LZTFL1: variants seen among roughly 807,000 people sequenced by gnomAD.
LZTFL1 encodes leucine zipper transcription factor-like protein 1.
Under a neutral mutation model 45.9 loss-of-function variants are expected in LZTFL1, and 25 were observed. That is an observed-to-expected ratio of 0.54 (90% confidence interval 0.40 to 0.76). LZTFL1 has a LOEUF of 0.76. Among genes scored for constraint, LZTFL1 ranks in the 30% least tolerant of loss-of-function variants. The pLI is 0.00. For missense variants in LZTFL1, 277 were observed against 331.1 expected, an observed-to-expected ratio of 0.84 and a Z score of 1.27; for synonymous variants, 93 against 117.4, an observed-to-expected ratio of 0.79 and a Z score of 1.35.
rs199554945 is a variant in LZTFL1, at chr3:45,900,816, A to G, written c.-215+12304T>C. ...ATCTTGTGTCCCCTTGCAGAGCCCT[A>G]TTCCTAACATGGCTGATGACTATGG... On this transcript the variant is annotated intron_variant, in intron 2 of 4. Transcript: ENST00000472635. The surrounding 1 kb of genome is among the most constrained non-coding windows in gnomAD (Gnocchi z 4.7). The G allele has an allele frequency of 1.1e-5, 17 of 1,610,738 alleles. No homozygotes were observed. Among genetic ancestry groups the G allele is most frequent in the Non-Finnish European group, 1.2e-5 (14 of 1,177,696 alleles).
At chr3:45,872,261 A>G (rs951051025) in intron 2 of LZTFL1, among the ~76,000 whole-genome samples, 1 of 152,190 alleles carries the variant, frequency 6.6e-6, no homozygotes, top group African/African-American at 2.4e-5. Flanking sequence ...TATGGAGCAA[A>G]TACAAGTATA....
chr3:45,870,742 C>T (rs1027013643), intron 2 of LZTFL1, among the ~76,000 whole-genome samples: 4 of 152,192 alleles, frequency 2.6e-5, no homozygotes, highest in African/African-American at 9.7e-5. Context: ...TGAAAACACT[C>T]TCATAGTAAA....
At chr3:45,835,833 T>C (rs753268808) in intron 2 of LZTFL1, 49 bp from the exon 3 acceptor site, 2 of 1,400,598 alleles carry the variant, frequency 1.4e-6, no homozygotes, top group Non-Finnish European at 1.9e-6. Flanking sequence ...ACAAGAAAAA[T>C]CTACAAAATA....
chr3:45,862,497 AG>A (rs1701507072), intron 2 of LZTFL1, among the ~76,000 whole-genome samples: 1 of 152,214 alleles, frequency 6.6e-6, no homozygotes, highest in African/African-American at 2.4e-5. Flanking sequence ...TATCCTCCTC[AG>A]GAGTGATTTT....
At chr3:45,839,213 C>T (rs540288491) in intron 1 of LZTFL1, among the ~76,000 whole-genome samples, 1 of 152,206 alleles carries the variant, frequency 6.6e-6, no homozygotes, top group East Asian at 1.9e-4. Flanking sequence ...CTCAGGCTCC[C>T]GAGTAGCTGG....
intron 2 of LZTFL1, among the ~76,000 whole-genome samples, chr3:45,904,323 T>C (rs1702636544): frequency 6.6e-6 from 1 of 152,220 alleles, no homozygotes; most frequent in Non-Finnish European, 1.5e-5. Context: ...CATTGGGACA[T>C]TACATCCTTT....
chr3:45,837,821 A>G, intron 2 of LZTFL1, 106 bp downstream of exon 2: 1 of 1,232,514 alleles, frequency 8.1e-7, no homozygotes, highest in Admixed American at 2.6e-5. Context: ...ATAATTGATC[A>G]TGATGAATCC....
chr3:45,895,672 C>T (rs1702330997), intron 2 of LZTFL1, among the ~76,000 whole-genome samples: 1 of 151,602 alleles, frequency 6.6e-6, no homozygotes, highest in Admixed American at 6.6e-5. Context: ...CAAGATCACG[C>T]CATTGCACTC....
At chr3:45,903,192 G>A (rs1208572288) in intron 2 of LZTFL1, 1 of 166,740 alleles carries the variant, frequency 6.0e-6, no homozygotes, top group African/African-American at 2.4e-5. Context: ...GTGAAGGCTG[G>A]TCTGAAGGTA....
upstream of LZTFL1, among the ~76,000 whole-genome samples, chr3:45,842,625 C>A (rs1701149914): frequency 6.6e-6 from 1 of 152,162 alleles, no homozygotes; most frequent in Non-Finnish European, 1.5e-5. Context: ...TTATTATCTT[C>A]TCTTATATTT....
At chr3:45,915,647 A>C (rs1317510996), upstream of LZTFL1, 1 of 383,744 alleles carries the variant, frequency 2.6e-6, no homozygotes, top group Admixed American at 3.1e-5. Flanking sequence ...TTTAGCTAAA[A>C]AAGACTTAAT....
At chr3:45,882,921 G>A (rs1254538774) in intron 2 of LZTFL1, among the ~76,000 whole-genome samples, 1 of 151,708 alleles carries the variant, frequency 6.6e-6, no homozygotes, top group African/African-American at 2.4e-5. Flanking sequence ...ATTACTTATA[G>A]TTCTATATTT....
chr3:45,897,975 C>CAAA (rs72284250), intron 2 of LZTFL1, among the ~76,000 whole-genome samples: 8,868 of 105,714 alleles, frequency 0.084, 563 homozygotes, highest in South Asian at 0.3. Context: ...GCTATTTGAC[C>CAAA]AAAAAAAAAA....
chr3:45,841,755 T>C (rs974092272), intron 1 of LZTFL1: 3 of 593,214 alleles, frequency 5.1e-6, no homozygotes, highest in African/African-American at 3.7e-5. Flanking sequence ...AACGAAGCGA[T>C]GCGGCGGAGC....
chr3:45,862,585 C>T (rs1475979862), intron 2 of LZTFL1, among the ~76,000 whole-genome samples: 2 of 152,248 alleles, frequency 1.3e-5, no homozygotes, highest in African/African-American at 4.8e-5. Context: ...TACTGAGGGA[C>T]CGTCTGACAT....
intron 3 of LZTFL1, among the ~76,000 whole-genome samples, chr3:45,857,472 G>A (rs543863496): frequency 2.9e-4 from 44 of 152,166 alleles, no homozygotes; most frequent in South Asian, 1.7e-3. Flanking sequence ...CATGGCACAC[G>A]TTTACTTGTG....
At chr3:45,913,651 T>G (rs1702843477) in intron 1 of LZTFL1, among the ~76,000 whole-genome samples, 1 of 152,206 alleles carries the variant, frequency 6.6e-6, no homozygotes, top group Non-Finnish European at 1.5e-5. Flanking sequence ...GTGTGGCATG[T>G]TGTCTCTAGT....
chr3:45,831,654 C>G (rs1028701765), intron 5 of LZTFL1, among the ~76,000 whole-genome samples: 1 of 152,184 alleles, frequency 6.6e-6, no homozygotes. Context: ...CACATCAGCC[C>G]AGTCAGAGGG....
intron 4 of LZTFL1, among the ~76,000 whole-genome samples, chr3:45,853,125 G>T (rs570613864): frequency 6.6e-6 from 1 of 152,206 alleles, no homozygotes; most frequent in South Asian, 2.1e-4. Context: ...ACCTGTGGTC[G>T]ATTAATTGTT....
Sources: gnomAD v4.1 joint callset for allele counts (sites outside exome capture counted in the v4.1 genomes callset) on GRCh38, gnomAD v4.1.1 for gene constraint, Gnocchi (gnomAD v3.1) non-coding constraint, MANE v1.5 for transcripts, NCBI Gene and HGNC (gene_info 2026-07-23, HGNC 2026-07-21) for gene names.